Variants in EFCAB6 observed in about 807,000 individuals in gnomAD.
The protein encoded by EFCAB6 is EF-hand calcium-binding domain-containing protein 6.
A neutral mutation model predicts 169.8 loss-of-function variants in EFCAB6; 156 were observed. That is an observed-to-expected ratio of 0.92 (90% confidence interval 0.81 to 1.05). The LOEUF (loss-of-function observed/expected upper bound fraction) is 1.05. EFCAB6 is among the 50% of genes least tolerant of loss of function. EFCAB6 has a pLI of 0.00. For synonymous variants in EFCAB6, 698 were observed against 676.4 expected, an observed-to-expected ratio of 1.03 and a Z score of -0.50; for missense variants, 1,800 against 1,829.1, an observed-to-expected ratio of 0.98 and a Z score of 0.29.
Position 43,554,881 on chromosome 22 carries a change from CAGGATTTG to C in EFCAB6, c.3628_3635del (p.Gln1210AspfsTer6), listed in dbSNP as rs2048607941. On this transcript the variant is annotated frameshift_variant, in exon 27 of 32. Coordinates refer to ENST00000262726, the MANE Select transcript of EFCAB6 (RefSeq NM_022785.4). LOFTEE classifies it high-confidence loss of function. ...TGGCGTTTCTTACCTGTTCGTCCGT[CAGGATTTG>C]GACGCGGCGATTACAAATGGCCCTA... 2 of 1,614,088 alleles carry C rather than the reference CAGGATTTG, an allele frequency of 1.2e-6. No homozygotes were observed. Among genetic ancestry groups the C allele is most frequent in the African/African-American group, 2.7e-5 (2 of 74,918 alleles).
At chr22:43,773,271 C>T (rs1454467998) in intron 3 of EFCAB6, among the ~76,000 whole-genome samples, 168 bp from the exon 4 acceptor site, 3 of 151,976 alleles carry the variant, frequency 2.0e-5, no homozygotes, top group South Asian at 2.1e-4. Flanking sequence ...AAAATCTACT[C>T]GGTCATCTTT....
intron 22 of EFCAB6, among the ~76,000 whole-genome samples, chr22:43,602,723 A>AG (rs1348473129): frequency 6.6e-6 from 1 of 151,764 alleles, no homozygotes; most frequent in Admixed American, 6.6e-5. Context: ...AGCAGCCCCC[A>AG]GGGAGCAGTG....
At chr22:43,679,357 T>C (rs1041895168) in intron 12 of EFCAB6, among the ~76,000 whole-genome samples, 5 of 152,234 alleles carry the variant, frequency 3.3e-5, no homozygotes, top group Admixed American at 6.5e-5. Flanking sequence ...AATCGGGCAT[T>C]ACATTGCCAG....
intron 20 of EFCAB6, among the ~76,000 whole-genome samples, chr22:43,619,838 A>G (rs913245943): frequency 2.6e-5 from 4 of 152,224 alleles, no homozygotes; most frequent in African/African-American, 9.6e-5. Context: ...TAAAAATAAT[A>G]GCTGAAAATG....
intron 10 of EFCAB6, among the ~76,000 whole-genome samples, chr22:43,701,397 A>G (rs1011320979): frequency 3.9e-5 from 6 of 152,258 alleles, no homozygotes; most frequent in African/African-American, 1.4e-4. Context: ...TTAAAAACAA[A>G]TAACTCTGAA....
At chr22:43,712,804 G>T (rs1389056200) in intron 9 of EFCAB6, among the ~76,000 whole-genome samples, 1 of 151,942 alleles carries the variant, frequency 6.6e-6, no homozygotes, top group Non-Finnish European at 1.5e-5. Flanking sequence ...TTTTCTTCAG[G>T]AGAGTGTTTC....
At chr22:43,702,178 T>C (rs919244928) in intron 10 of EFCAB6, among the ~76,000 whole-genome samples, 1 of 152,206 alleles carries the variant, frequency 6.6e-6, no homozygotes, top group African/African-American at 2.4e-5. Flanking sequence ...GGGAAGAATA[T>C]GAAAGTAGAA....
chr22:43,557,853 A>G (rs926812466), intron 26 of EFCAB6, among the ~76,000 whole-genome samples: 1 of 152,238 alleles, frequency 6.6e-6, no homozygotes, highest in Non-Finnish European at 1.5e-5. Flanking sequence ...GAATGCAAGA[A>G]TTGGCAAATC....
rs369041379 is a variant in EFCAB6, at chr22:43,795,909, C to CCACA, written c.-8+13082_-8+13085dup. Among the ~76,000 whole-genome samples, 2 of 149,364 alleles carry CCACA rather than the reference C, an allele frequency of 1.3e-5. No homozygotes were observed. Among genetic ancestry groups the CCACA allele is most frequent in the African/African-American group, 5.0e-5 (2 of 40,300 alleles). ...ACAATACACACTCACCACACATACA[C>CCACA]CACACACACACACACCCCTTCATCA... On this transcript the variant is annotated intron_variant, in intron 2 of 31. Transcript: ENST00000262726. This position sits in a 1 kb window ranked among gnomAD's most constrained non-coding sequence, Gnocchi z 4.2.
At chr22:43,661,915 G>A (rs1032635462) in intron 17 of EFCAB6, among the ~76,000 whole-genome samples, 1 of 152,088 alleles carries the variant, frequency 6.6e-6, no homozygotes, top group Non-Finnish European at 1.5e-5. Context: ...TCAGGAGTTC[G>A]CGACCAGCCT....
intron 30 of EFCAB6, 48 bp from the exon 31 acceptor site, chr22:43,531,012 G>C: frequency 6.2e-7 from 1 of 1,610,442 alleles, no homozygotes; most frequent in Non-Finnish European, 8.5e-7. Context: ...TGAACACGAG[G>C]GTTGGGGTGG....
intron 8 of EFCAB6, among the ~76,000 whole-genome samples, chr22:43,729,948 G>A (rs2059876648): frequency 6.6e-6 from 1 of 151,784 alleles, no homozygotes; most frequent in South Asian, 2.1e-4. Context: ...GATCACTTAA[G>A]CACAGGAGTT....
intron 23 of EFCAB6, among the ~76,000 whole-genome samples, chr22:43,590,698 C>T (rs58545878): frequency 0.039 from 5,398 of 138,664 alleles, 366 homozygotes; most frequent in African/African-American, 0.14. Context: ...AGACAATAAA[C>T]AGAAGACAGA....
At chr22:43,707,580 G>T (rs1424526680) in intron 10 of EFCAB6, among the ~76,000 whole-genome samples, 1 of 152,284 alleles carries the variant, frequency 6.6e-6, no homozygotes, top group East Asian at 1.9e-4. Context: ...AACAGCAGAG[G>T]CCAGAAGACC....
intron 2 of EFCAB6, among the ~76,000 whole-genome samples, chr22:43,802,358 A>G (rs1395474492): frequency 1.3e-5 from 2 of 152,036 alleles, no homozygotes; most frequent in African/African-American, 4.8e-5. Flanking sequence ...GCGAAACCCT[A>G]TCTCTACTAA....
At chr22:43,741,961 A>G (rs550614811) in intron 6 of EFCAB6, among the ~76,000 whole-genome samples, 178 of 152,220 alleles carry the variant, frequency 1.2e-3, no homozygotes, top group African/African-American at 4.2e-3. Flanking sequence ...AGGAGTACTC[A>G]GAGAGCCAAA....
chr22:43,660,422 T>A (rs1275904323), intron 17 of EFCAB6, among the ~76,000 whole-genome samples: 1 of 152,140 alleles, frequency 6.6e-6, no homozygotes, highest in Non-Finnish European at 1.5e-5. Flanking sequence ...TACATTTGCC[T>A]ACCTGATACA....
At chr22:43,642,789 T>C (rs374601507) in intron 17 of EFCAB6, among the ~76,000 whole-genome samples, 17 of 152,268 alleles carry the variant, frequency 1.1e-4, no homozygotes, top group South Asian at 4.1e-4. Context: ...CAAGACGCCA[T>C]GGTCATGTGC....
intron 17 of EFCAB6, among the ~76,000 whole-genome samples, chr22:43,636,342 G>A (rs1282930798): frequency 6.6e-6 from 1 of 152,164 alleles, no homozygotes; most frequent in Non-Finnish European, 1.5e-5. Context: ...GGAGGGAACG[G>A]AGGGACCAGG....
Sources: gnomAD v4.1 joint callset for allele counts (sites outside exome capture counted in the v4.1 genomes callset) on GRCh38, gnomAD v4.1.1 for gene constraint, Gnocchi (gnomAD v3.1) non-coding constraint, MANE v1.5 for transcripts, NCBI Gene and HGNC (gene_info 2026-07-23, HGNC 2026-07-21) for gene names.